UNC13C: variants seen among roughly 807,000 people sequenced by gnomAD.
UNC13C encodes unc-13 homolog C, also known as protein unc-13 homolog C.
UNC13C carries 174 observed loss-of-function variants against 245.4 expected under a neutral mutation model. That is an observed-to-expected ratio of 0.71 (90% CI 0.63 to 0.80). The LOEUF is 0.80. UNC13C is among the 30% of genes least tolerant of loss of function. UNC13C has a pLI of 0.00. For missense variants in UNC13C, 2,829 were observed against 2,602.9 expected (o/e 1.09, Z -1.89); for synonymous variants, 992 against 895.1 (o/e 1.11, Z -1.93).
chr15:54,001,318 G>C (rs1341686187), intron 1 of UNC13C, among the ~76,000 whole-genome samples: 2 of 152,166 alleles, frequency 1.3e-5, no homozygotes, highest in African/African-American at 4.8e-5. Context: ...GAAGGTATCT[G>C]TGATGATCAA....
intron 19 of UNC13C, among the ~76,000 whole-genome samples, chr15:54,448,329 C>G (rs55953621): frequency 6.6e-6 from 1 of 151,926 alleles, no homozygotes; most frequent in Non-Finnish European, 1.5e-5. Context: ...TGGATATCCT[C>G]ATTAACTTTC....
intron 13 of UNC13C, among the ~76,000 whole-genome samples, chr15:54,303,965 G>T (rs2037657045): frequency 6.6e-6 from 1 of 152,020 alleles, no homozygotes; most frequent in African/African-American, 2.4e-5. Flanking sequence ...GTGACCTGCA[G>T]GTATATTGGG....
At chr15:54,248,318 C>G (rs544495316) in intron 7 of UNC13C, among the ~76,000 whole-genome samples, 2 of 152,112 alleles carry the variant, frequency 1.3e-5, no homozygotes, top group African/African-American at 4.8e-5. Context: ...TGCTACATTA[C>G]GCACACAAAC....
At chr15:53,879,084 T>TA in the UNC13C span, among the ~76,000 whole-genome samples, 4 of 152,152 alleles carry the variant, frequency 2.6e-5, no homozygotes, top group African/African-American at 4.8e-5. Flanking sequence ...AAATAGTACA[T>TA]AAAAAAATTA....
intron 30 of UNC13C, among the ~76,000 whole-genome samples, chr15:54,609,958 C>G (rs1011407044): frequency 6.6e-6 from 1 of 152,082 alleles, no homozygotes; most frequent in Non-Finnish European, 1.5e-5. Context: ...TGATAACTCA[C>G]TCACTGTCAT....
intron 4 of UNC13C, among the ~76,000 whole-genome samples, chr15:54,198,636 G>A (rs1337379568): frequency 6.6e-6 from 1 of 152,094 alleles, no homozygotes; most frequent in African/African-American, 2.4e-5. Context: ...TGGCTCTCAG[G>A]AAGCCCCTCT....
intron 10 of UNC13C, among the ~76,000 whole-genome samples, chr15:54,278,215 C>A (rs2036884735): frequency 6.6e-6 from 1 of 152,032 alleles, no homozygotes. Context: ...GAAATCTTAC[C>A]CTTTTTCTTT....
chr15:54,275,787 C>T (rs1413599318), intron 10 of UNC13C, among the ~76,000 whole-genome samples: 3 of 151,948 alleles, frequency 2.0e-5, no homozygotes, highest in Non-Finnish European at 4.4e-5. Context: ...AAATATGTGT[C>T]CATACAAAGA....
chr15:53,970,656 A>G, the UNC13C span, among the ~76,000 whole-genome samples: 3,665 of 152,140 alleles, frequency 0.024, 206 homozygotes, highest in East Asian at 0.19. Flanking sequence ...ATGGGGGGAA[A>G]CAACACACAC....
At chr15:54,585,641 C>T (rs1294606893) in intron 30 of UNC13C, among the ~76,000 whole-genome samples, 1 of 152,104 alleles carries the variant, frequency 6.6e-6, no homozygotes, top group African/African-American at 2.4e-5. Flanking sequence ...AACATAATCT[C>T]CTCCTAACCC....
chr15:54,042,126 A>T (rs1896831239), intron 2 of UNC13C, among the ~76,000 whole-genome samples: 2 of 152,220 alleles, frequency 1.3e-5, no homozygotes, highest in Admixed American at 6.5e-5. Flanking sequence ...GAAATCGGAA[A>T]ATATTAGAAG....
rs1319125735 is a variant in UNC13C at position 54,351,961 on chromosome 15, A to G, written c.4713+13472A>G. Among the ~76,000 whole-genome samples the G allele has an allele frequency of 3.3e-5, 5 of 152,000 alleles. 1 individual carries two copies. Among genetic ancestry groups the G allele is most frequent in the Admixed American group, 1.3e-4 (2 of 15,240 alleles). On this transcript the variant is annotated intron_variant, in intron 17 of 32. Coordinates refer to ENST00000260323, the MANE Select transcript of UNC13C (RefSeq NM_001080534.3). Reference sequence around the variant, plus strand: ...GATTCTAAAATCAGGAGGTGTTTACACTTAGGGAAGCATCTAGTGAATTAG... The same window carrying G: ...GATTCTAAAATCAGGAGGTGTTTACGCTTAGGGAAGCATCTAGTGAATTAG...
chr15:54,024,777 T>TGGTCCCGGGCGC (rs1896038079), intron 2 of UNC13C, among the ~76,000 whole-genome samples: 1 of 151,988 alleles, frequency 6.6e-6, no homozygotes, highest in African/African-American at 2.4e-5. Flanking sequence ...TAGCCGGGCG[T>TGGTCCCGGGCGC]GGTCCCGGGC....
chr15:54,321,603 A>G (rs1347552311), intron 13 of UNC13C: 2 of 365,700 alleles, frequency 5.5e-6, no homozygotes, highest in Non-Finnish European at 1.0e-5. Flanking sequence ...CTTTTTTCAA[A>G]GCTTAACCCT....
chr15:54,195,264 C>T (rs1305079727), intron 4 of UNC13C, among the ~76,000 whole-genome samples: 2 of 152,108 alleles, frequency 1.3e-5, no homozygotes, highest in East Asian at 1.9e-4. Context: ...AGGTTTATGC[C>T]CTACACCCCT....
chr15:54,444,287 AT>A lies in UNC13C; in HGVS notation c.4933+29221del, dbSNP rs1890685406. 2.0e-5 allele frequency among the ~76,000 whole-genome samples: 3 copies of A among 151,138 alleles called. 1 individual carries two copies. The South Asian group carries it at 6.2e-4, about 31-fold the overall frequency. ...TCCCTTACTTTTGATAAATGTATAT[AT>A]ATACACAAATATATGTCATATATAT... On this transcript the variant is annotated intron_variant, in intron 19 of 32. Coordinates refer to ENST00000260323, the MANE Select transcript of UNC13C (RefSeq NM_001080534.3).
chr15:54,447,406 A>T (rs1890878585), intron 19 of UNC13C, among the ~76,000 whole-genome samples: 1 of 151,902 alleles, frequency 6.6e-6, no homozygotes, highest in Admixed American at 6.6e-5. Flanking sequence ...TGGTCCTGGA[A>T]TTTTTTTGGT....
intron 14 of UNC13C, among the ~76,000 whole-genome samples, chr15:54,326,449 A>G (rs745661519): frequency 6.6e-6 from 1 of 152,100 alleles, no homozygotes; most frequent in Non-Finnish European, 1.5e-5. Flanking sequence ...CAGCATCCTG[A>G]TGCTTATCTA....
At chr15:54,211,022 A>G (rs953027375) in intron 4 of UNC13C, among the ~76,000 whole-genome samples, 4 of 152,106 alleles carry the variant, frequency 2.6e-5, no homozygotes, top group African/African-American at 9.7e-5. Flanking sequence ...ACGTAAAGAA[A>G]TGCAGGGCAT....
Sources: allele counts gnomAD v4.1 joint callset (sites outside exome capture counted in the v4.1 genomes callset), GRCh38; gene constraint gnomAD v4.1.1; transcripts MANE v1.5; gene names NCBI Gene and HGNC (gene_info 2026-07-23, HGNC 2026-07-21).